The following HIVEP1 variants were observed in gnomAD, a reference collection of about 807,000 sequenced individuals.
HIVEP1 encodes the protein zinc finger protein 40.
HIVEP1 carries 36 observed loss-of-function variants against 180.0 expected under a neutral mutation model. The observed-to-expected ratio is 0.20, with a 90% CI of 0.15 to 0.26. The LOEUF is 0.26. HIVEP1 is among the 10% of genes least tolerant of loss of function. The probability of loss-of-function intolerance (pLI) is 1.00; values close to 1 mark genes in which losing one functional copy is unlikely to be tolerated. For missense variants in HIVEP1, 3,143 were observed against 3,268.7 expected (o/e 0.96, Z 0.94); for synonymous variants, 1,239 against 1,239.0 (o/e 1.00, Z 0.00).
intron 2 of HIVEP1, among the ~76,000 whole-genome samples, chr6:12,065,778 T>A (rs1438649704): frequency 6.6e-6 from 1 of 152,088 alleles, no homozygotes; most frequent in Non-Finnish European, 1.5e-5. Flanking sequence ...TTTTAGTGTG[T>A]TTTTGCTGTG....
chr6:12,121,423 G>C lies in HIVEP1; in HGVS notation c.1628G>C (p.Gly543Ala). Residue 543 changes from glycine to alanine, a missense_variant, in exon 4 of 9, where the codon GGT becomes GCT. This residue lies in a region of HIVEP1 where 365 missense variants were observed against 344.4 expected (regional missense o/e 1.06). Coordinates refer to ENST00000379388, the MANE Select transcript of HIVEP1 (RefSeq NM_002114.4). The surrounding 1 kb of genome is among the most constrained non-coding windows in gnomAD (Gnocchi z 5.3). ...FTPSSPENVI[G>A]DFLLQDRSAE... Reference sequence around the variant, plus strand: ...CCAAGCAGTCCAGAAAATGTGATAGGTGACTTTTTGCTACAGGACAGATCT... The same window carrying C: ...CCAAGCAGTCCAGAAAATGTGATAGCTGACTTTTTGCTACAGGACAGATCT... 6.2e-7 allele frequency: 1 copy of C among 1,614,138 alleles called. No homozygotes were observed.
At chr6:12,027,932 G>T (rs1002351098) in intron 2 of HIVEP1, among the ~76,000 whole-genome samples, 5 of 152,152 alleles carry the variant, frequency 3.3e-5, no homozygotes, top group African/African-American at 1.2e-4. Flanking sequence ...GTAAGTAAAT[G>T]ATATTTTCGT....
intron 7 of HIVEP1, among the ~76,000 whole-genome samples, chr6:12,154,461 C>T (rs548241746): frequency 6.6e-6 from 1 of 152,176 alleles, no homozygotes; most frequent in Non-Finnish European, 1.5e-5. Context: ...CAGTCAGAGC[C>T]GTCTGTCTCA....
chr6:12,113,677 A>G (rs985545149), intron 3 of HIVEP1, among the ~76,000 whole-genome samples: 2 of 152,070 alleles, frequency 1.3e-5, no homozygotes, highest in Non-Finnish European at 2.9e-5. Flanking sequence ...TTTCCATCCT[A>G]TCTCCCACTC....
chr6:12,019,499 A>G (rs373304261), intron 2 of HIVEP1, among the ~76,000 whole-genome samples: 3 of 152,162 alleles, frequency 2.0e-5, no homozygotes, highest in East Asian at 3.9e-4. Flanking sequence ...ATGCGATGAG[A>G]TAAGAAATGC....
chr6:12,048,375 C>G (rs773415580), intron 2 of HIVEP1, among the ~76,000 whole-genome samples: 7 of 152,150 alleles, frequency 4.6e-5, no homozygotes, highest in Non-Finnish European at 1.0e-4. Flanking sequence ...ACTTTGTCAC[C>G]TAGACATTAA....
rs756353563 is a variant in HIVEP1 at position 12,163,608 on chromosome 6, A to G, written c.7304A>G (p.His2435Arg). Residue 2435 changes from histidine (H) to arginine (R), a missense_variant, in exon 9 of 9, where the codon CAC (histidine) becomes CGC (arginine). Physicochemically the swap from His to Arg is conservative, Grantham distance 29. Around this residue, in one of 12 missense-constraint regions of HIVEP1, gnomAD observed 595 missense variants for 602.2 expected, o/e 0.99. Transcript: ENST00000379388. ...QLTIPAVSVV[H>R]RTLGTHRNTV... Reference sequence around the variant, plus strand: ...ACGATCCCTGCTGTCAGTGTCGTTCACAGAACTTTGGGTACTCATAGGAAT... The same window carrying G: ...ACGATCCCTGCTGTCAGTGTCGTTCGCAGAACTTTGGGTACTCATAGGAAT... 4 of 1,614,026 alleles carry G rather than the reference A, an allele frequency of 2.5e-6. 1 individual carries two copies. The highest frequency in any genetic ancestry group is 1.1e-5 in the South Asian group (1 of 91,070).
chr6:12,105,362 C>G (rs1279872652), intron 3 of HIVEP1, among the ~76,000 whole-genome samples: 2 of 152,296 alleles, frequency 1.3e-5, no homozygotes, highest in Non-Finnish European at 2.9e-5. Flanking sequence ...AACCGCCCAG[C>G]CTTTTAGCTG....
chr6:12,187,889 A>C, the HIVEP1 span, among the ~76,000 whole-genome samples: 1 of 152,086 alleles, frequency 6.6e-6, no homozygotes, highest in South Asian at 2.1e-4. Flanking sequence ...CCTGGCCATA[A>C]ATCTTTTTCC....
intron 2 of HIVEP1, among the ~76,000 whole-genome samples, chr6:12,083,194 C>T (rs926041160): frequency 6.6e-5 from 10 of 151,904 alleles, no homozygotes; most frequent in African/African-American, 2.2e-4. Context: ...ATCTTCATGG[C>T]GCAAAATGTT....
At chr6:12,209,366 G>A in the HIVEP1 span, among the ~76,000 whole-genome samples, 1 of 152,178 alleles carries the variant, frequency 6.6e-6, no homozygotes, top group East Asian at 1.9e-4. Flanking sequence ...CCGGGAGGCG[G>A]AGCTTGCAGT....
At chr6:12,165,054 T>G (rs1760660500), downstream of HIVEP1, 1 of 481,784 alleles carries the variant, frequency 2.1e-6, no homozygotes, top group Non-Finnish European at 4.1e-6. Context: ...GATCTGCATT[T>G]GGAAAATAGC....
chr6:12,052,983 G>T (rs1162708473), intron 2 of HIVEP1, among the ~76,000 whole-genome samples: 1 of 152,134 alleles, frequency 6.6e-6, no homozygotes, highest in Non-Finnish European at 1.5e-5. Flanking sequence ...TCTCATCACA[G>T]TTTTTAAAAT....
the HIVEP1 span, among the ~76,000 whole-genome samples, chr6:12,181,157 G>A: frequency 3.3e-5 from 5 of 151,934 alleles, no homozygotes; most frequent in African/African-American, 1.2e-4. Context: ...TTAGGAGATC[G>A]AGACCATCCT....
rs1772146151 is a variant in HIVEP1 at position 12,073,754 on chromosome 6, A to ATCTG, written c.41-15430_41-15429insTCTG. On this transcript the variant is annotated intron_variant, in intron 2 of 8. Transcript: ENST00000379388. ...GCCATTACCAGAAGCCTGAGTCCTA[A>ATCTG]GTGAGTAGATATTAAAATCTTGGGG... Among the ~76,000 whole-genome samples the ATCTG allele has an allele frequency of 2.0e-5, 3 of 152,180 alleles. No homozygotes were observed. In the South Asian group the frequency reaches 6.2e-4, roughly 32 times the overall value.
At chr6:12,079,933 C>CATCTATCT (rs60204350) in intron 2 of HIVEP1, among the ~76,000 whole-genome samples, 28,899 of 149,128 alleles carry the variant, frequency 0.19, 2,954 homozygotes, top group East Asian at 0.34. Flanking sequence ...TTCCTGATGG[C>CATCTATCT]ATCTATCTAT....
chr6:12,079,482 T>G (rs1013861224), intron 2 of HIVEP1, among the ~76,000 whole-genome samples: 4 of 152,164 alleles, frequency 2.6e-5, no homozygotes, highest in African/African-American at 7.2e-5. Flanking sequence ...TCCACTAACA[T>G]CAGCAGCAGC....
chr6:12,118,209 A>G (rs942613425), intron 3 of HIVEP1, among the ~76,000 whole-genome samples: 1 of 151,418 alleles, frequency 6.6e-6, no homozygotes, highest in African/African-American at 2.4e-5. Context: ...TCATTAAACT[A>G]TGATATGAGA....
intron 3 of HIVEP1, among the ~76,000 whole-genome samples, chr6:12,096,566 A>G (rs1447484888): frequency 6.6e-6 from 1 of 150,928 alleles, no homozygotes; most frequent in Non-Finnish European, 1.5e-5. Context: ...TTAAAAAAAT[A>G]TAATAATATT....
Sources: allele counts gnomAD v4.1 joint callset (sites outside exome capture counted in the v4.1 genomes callset), GRCh38; gene constraint gnomAD v4.1.1; regional missense constraint gnomAD v4.1.1; non-coding constraint Gnocchi (gnomAD v3.1); transcripts MANE v1.5; gene names NCBI Gene and HGNC (gene_info 2026-07-23, HGNC 2026-07-21).